The following IMMP2L variants were observed in gnomAD, a reference collection of about 807,000 sequenced individuals.
IMMP2L encodes the protein inner mitochondrial membrane peptidase subunit 2, also known as mitochondrial inner membrane protease subunit 2.
Under a neutral mutation model 19.3 loss-of-function variants are expected in IMMP2L, and 18 were observed. That is an observed-to-expected ratio of 0.93 (90% CI 0.64 to 1.38). The LOEUF (loss-of-function observed/expected upper bound fraction) is 1.38. Ranked by LOEUF, IMMP2L falls within the 40% of genes most tolerant of loss-of-function variation. The pLI, the probability that IMMP2L is intolerant of heterozygous loss-of-function variation, is 0.00. For missense variants in IMMP2L, 233 were observed against 218.2 expected, an observed-to-expected ratio of 1.07 and a Z score of -0.43; for synonymous variants, 76 against 73.0, an observed-to-expected ratio of 1.04 and a Z score of -0.21.
At chr7:111,151,270 T>G (rs1804042677) in intron 3 of IMMP2L, among the ~76,000 whole-genome samples, 1 of 152,194 alleles carries the variant, frequency 6.6e-6, no homozygotes, top group Non-Finnish European at 1.5e-5. Flanking sequence ...TTTTTCATTC[T>G]TTTTCCACAT....
At chr7:111,493,843 C>A (rs1036087488) in intron 2 of IMMP2L, among the ~76,000 whole-genome samples, 27 of 148,136 alleles carry the variant, frequency 1.8e-4, no homozygotes, top group African/African-American at 6.5e-4. Flanking sequence ...CCCGTCTCTG[C>A]CAAAAAATTA....
intron 5 of IMMP2L, among the ~76,000 whole-genome samples, chr7:110,781,220 A>C (rs371615806): frequency 1.2e-4 from 18 of 152,026 alleles, no homozygotes; most frequent in African/African-American, 4.1e-4. Context: ...AAAATCATCC[A>C]TTTATTAAAT....
chr7:111,396,451 G>C (rs991501689), intron 3 of IMMP2L, among the ~76,000 whole-genome samples: 1 of 152,056 alleles, frequency 6.6e-6, no homozygotes, highest in Non-Finnish European at 1.5e-5. Context: ...GTTGAACAAT[G>C]AGAACACATG....
At chr7:111,508,903 T>C (rs532320821) in intron 2 of IMMP2L, among the ~76,000 whole-genome samples, 1 of 152,314 alleles carries the variant, frequency 6.6e-6, no homozygotes, top group South Asian at 2.1e-4. Context: ...ACCCACCCTA[T>C]CTGCCTAGGC....
intron 3 of IMMP2L, among the ~76,000 whole-genome samples, chr7:111,037,959 CCTAT>C (rs918315481): frequency 6.6e-6 from 1 of 152,094 alleles, no homozygotes; most frequent in Non-Finnish European, 1.5e-5. Context: ...AAGTTCTCAT[CCTAT>C]CTGTGTCTAA....
At chr7:111,077,703 A>G (rs1440323995) in intron 3 of IMMP2L, among the ~76,000 whole-genome samples, 1 of 152,180 alleles carries the variant, frequency 6.6e-6, no homozygotes, top group Non-Finnish European at 1.5e-5. Context: ...TCTCCACCCT[A>G]CTTAAAATTG....
chr7:110,847,142 T>C (rs1805744835), intron 5 of IMMP2L, among the ~76,000 whole-genome samples: 1 of 152,220 alleles, frequency 6.6e-6, no homozygotes, highest in Non-Finnish European at 1.5e-5. Context: ...CAAGCAATGT[T>C]TGTTAAATTA....
chr7:110,943,915 C>T (rs1816979788), intron 4 of IMMP2L, among the ~76,000 whole-genome samples: 1 of 151,922 alleles, frequency 6.6e-6, no homozygotes, highest in Non-Finnish European at 1.5e-5. Flanking sequence ...TTTCCTTAAC[C>T]TTCAGCAACA....
intron 3 of IMMP2L, among the ~76,000 whole-genome samples, chr7:111,312,728 G>T (rs1051322378): frequency 3.3e-5 from 5 of 152,058 alleles, no homozygotes; most frequent in African/African-American, 7.2e-5. Context: ...GACCCTGCAT[G>T]GAACGGCAAT....
chr7:111,159,169 G>A (rs1431434150), intron 3 of IMMP2L, among the ~76,000 whole-genome samples: 1 of 152,168 alleles, frequency 6.6e-6, no homozygotes, highest in East Asian at 1.9e-4. Flanking sequence ...AGGTTGGAGT[G>A]CAGTAGCATG....
At chr7:111,258,355 A>T (rs1816952367) in intron 3 of IMMP2L, among the ~76,000 whole-genome samples, 1 of 152,134 alleles carries the variant, frequency 6.6e-6, no homozygotes, top group Non-Finnish European at 1.5e-5. Context: ...ATCAAGGGTA[A>T]AATATAAAAT....
chr7:111,016,532 TTA>T (rs1220243279), intron 3 of IMMP2L, among the ~76,000 whole-genome samples: 3 of 121,438 alleles, frequency 2.5e-5, no homozygotes, highest in Non-Finnish European at 4.8e-5. Context: ...TATGTATATA[TTA>T]TATATTATAA....
At chr7:110,713,836 T>C (rs1194007839) in intron 5 of IMMP2L, among the ~76,000 whole-genome samples, 2 of 152,136 alleles carry the variant, frequency 1.3e-5, no homozygotes, top group Non-Finnish European at 2.9e-5. Context: ...CAGGAGGCTT[T>C]AGGGTTTTCT....
At chr7:111,135,743 G>A (rs982640698) in intron 3 of IMMP2L, among the ~76,000 whole-genome samples, 1 of 152,034 alleles carries the variant, frequency 6.6e-6, no homozygotes, top group Admixed American at 6.6e-5. Context: ...CAAAAAAGAA[G>A]GCCTCATATT....
chr7:111,087,742 A>C (rs1485107700), intron 3 of IMMP2L, among the ~76,000 whole-genome samples: 3 of 152,184 alleles, frequency 2.0e-5, no homozygotes, highest in Non-Finnish European at 2.9e-5. Flanking sequence ...ATGGTAAGTA[A>C]TAAGAGCGAT....
intron 3 of IMMP2L, among the ~76,000 whole-genome samples, chr7:111,222,814 T>C (rs186199430): frequency 1.1e-4 from 17 of 152,132 alleles, no homozygotes; most frequent in African/African-American, 3.6e-4. Context: ...ACCTGGCAAT[T>C]CCACTTCTAG....
At chr7:111,266,904 G>C (rs1487064314) in intron 3 of IMMP2L, among the ~76,000 whole-genome samples, 1 of 152,182 alleles carries the variant, frequency 6.6e-6, no homozygotes, top group Non-Finnish European at 1.5e-5. Context: ...AGCTCAGCAT[G>C]AGCAAGGTCA....
chr7:111,421,612 G>A (rs575757855), intron 3 of IMMP2L, among the ~76,000 whole-genome samples: 2 of 151,730 alleles, frequency 1.3e-5, no homozygotes, highest in Middle Eastern at 6.8e-3. Context: ...TGTAGATTCT[G>A]GATATTAGCC....
intron 3 of IMMP2L, among the ~76,000 whole-genome samples, chr7:111,433,194 G>A (rs956785484): frequency 6.6e-6 from 1 of 151,662 alleles, no homozygotes; most frequent in Non-Finnish European, 1.5e-5. Context: ...TGCCAGAAGG[G>A]GAAATGCCAG....
Sources: allele counts gnomAD v4.1 joint callset (sites outside exome capture counted in the v4.1 genomes callset), GRCh38; gene constraint gnomAD v4.1.1; transcripts MANE v1.5; gene names NCBI Gene and HGNC (gene_info 2026-07-23, HGNC 2026-07-21).